NHSL1: variants seen among roughly 807,000 people sequenced by gnomAD.
The protein encoded by NHSL1 is NHS-like protein 1.
NHSL1 carries 48 observed loss-of-function variants against 95.0 expected under a neutral mutation model. The ratio of observed to expected loss-of-function variants is 0.51; its 90% CI spans 0.40 to 0.64. The LOEUF (loss-of-function observed/expected upper bound fraction) is 0.64. NHSL1 is among the 30% of genes least tolerant of loss of function. NHSL1 has a pLI of 0.00. For synonymous variants in NHSL1, 783 were observed against 833.9 expected (o/e 0.94, Z 1.05); for missense variants, 1,971 against 2,077.7 (o/e 0.95, Z 1.00).
chr6:138,501,679 G>T (rs1406099285), upstream of NHSL1, among the ~76,000 whole-genome samples: 2 of 152,118 alleles, frequency 1.3e-5, no homozygotes, highest in African/African-American at 4.8e-5. Flanking sequence ...TCTTGCATGG[G>T]GTAATTTCCT....
At chr6:138,669,568 G>T (rs950894169) in intron 1 of NHSL1, among the ~76,000 whole-genome samples, 1 of 152,154 alleles carries the variant, frequency 6.6e-6, no homozygotes, top group Admixed American at 6.6e-5. Context: ...TCCTAGCCAC[G>T]AGTGGCCACC....
At chr6:138,590,586 T>C (rs1399491412) in intron 1 of NHSL1, among the ~76,000 whole-genome samples, 1 of 152,166 alleles carries the variant, frequency 6.6e-6, no homozygotes, top group Non-Finnish European at 1.5e-5. Context: ...CCCAAGCTCC[T>C]CTGCCTTCCA....
chr6:138,587,097 C>T (rs111809728), intron 1 of NHSL1, among the ~76,000 whole-genome samples: 27,425 of 151,490 alleles, frequency 0.18, 3,186 homozygotes, highest in East Asian at 0.38. Context: ...CTCAACCTCT[C>T]GAGTAACTGG....
intron 1 of NHSL1, among the ~76,000 whole-genome samples, chr6:138,618,123 T>C (rs1186523062): frequency 6.6e-6 from 1 of 152,222 alleles, no homozygotes; most frequent in East Asian, 1.9e-4. Flanking sequence ...AACAGAGACC[T>C]TCCTGCAGGG....
At chr6:138,680,190 C>T (rs376963746) in intron 1 of NHSL1, among the ~76,000 whole-genome samples, 11 of 152,264 alleles carry the variant, frequency 7.2e-5, no homozygotes, top group Admixed American at 2.0e-4. Context: ...GAATAATGCT[C>T]TTTTTAGTCA....
intron 2 of NHSL1, among the ~76,000 whole-genome samples, chr6:138,491,895 C>T (rs1780099216): frequency 1.3e-5 from 2 of 152,076 alleles, no homozygotes; most frequent in Non-Finnish European, 2.9e-5. Flanking sequence ...AGCATCATGT[C>T]AGTGCTCAAA....
At chr6:138,500,680 A>G (rs568651297), upstream of NHSL1, among the ~76,000 whole-genome samples, 1 of 152,242 alleles carries the variant, frequency 6.6e-6, no homozygotes, top group Non-Finnish European at 1.5e-5. Context: ...AAGCTTTGAA[A>G]TGATTCCTTC....
intron 1 of NHSL1, among the ~76,000 whole-genome samples, chr6:138,670,358 C>A (rs1414084955): frequency 1.3e-5 from 2 of 149,290 alleles, no homozygotes; most frequent in Admixed American, 6.7e-5. Flanking sequence ...TTGCAGCAAA[C>A]ACCGTTGAAG....
chr6:138,500,570 C>T (rs545956220), upstream of NHSL1, among the ~76,000 whole-genome samples: 6 of 152,166 alleles, frequency 3.9e-5, no homozygotes, highest in Non-Finnish European at 7.3e-5. Context: ...ACTTATAACT[C>T]AATGGAAAAA....
At chr6:138,443,206 T>C (rs1014581594) in intron 4 of NHSL1, among the ~76,000 whole-genome samples, 1 of 152,116 alleles carries the variant, frequency 6.6e-6, no homozygotes, top group African/African-American at 2.4e-5. Flanking sequence ...TAAGAAAAAA[T>C]TGGGAACCTT....
intron 3 of NHSL1, among the ~76,000 whole-genome samples, chr6:138,448,851 G>A (rs866734870): frequency 3.9e-5 from 6 of 152,060 alleles, no homozygotes; most frequent in African/African-American, 7.2e-5. Context: ...ACGGGAGCTT[G>A]AGACCAGCCT....
chr6:138,691,944 G>C (rs1422300449), intron 1 of NHSL1: 1 of 456,728 alleles, frequency 2.2e-6, no homozygotes, highest in South Asian at 1.5e-5. Flanking sequence ...AGTCTGCATA[G>C]TTTTGCTTGT....
chr6:138,622,390 G>T lies in NHSL1; in HGVS notation c.96+70086C>A, dbSNP rs569131087. Among the ~76,000 whole-genome samples the T allele has an allele frequency of 6.6e-5, 10 of 152,228 alleles. No individual in the cohort carries two copies. The South Asian group carries it at 2.1e-3, about 32-fold the overall frequency. ...GTGGCCGCATGCGCCTGTAGTCCCA[G>T]CTGCTGGGGAGGCTGAGGAAGGAGA... On this transcript the variant is annotated intron_variant, in intron 1 of 3. Transcript: ENST00000491526.
At chr6:138,500,733 CAAAA>C (rs1780630033), upstream of NHSL1, among the ~76,000 whole-genome samples, 1 of 151,526 alleles carries the variant, frequency 6.6e-6, no homozygotes, top group Non-Finnish European at 1.5e-5. Flanking sequence ...AACAACAAAA[CAAAA>C]GAACACATAG....
Position 138,637,219 on chromosome 6 carries a change from G to A in NHSL1, c.96+55257C>T, listed in dbSNP as rs114095299. ...AGGCAGAATAATGAAACTAGATCCC[G>A]TATCTCTCACCACATACAAAAATCA... is the stretch of plus-strand genomic sequence containing the variant. On this transcript the variant is annotated intron_variant, in intron 1 of 3. Transcript: ENST00000491526. Among the ~76,000 whole-genome samples the A allele has an allele frequency of 5.6e-3, 857 of 152,138 alleles. 13 individuals carry two copies. In the East Asian group the frequency reaches 0.074, roughly 13 times the overall value.
intron 1 of NHSL1, among the ~76,000 whole-genome samples, chr6:138,580,545 G>T (rs1784038003): frequency 6.6e-6 from 1 of 152,136 alleles, no homozygotes; most frequent in African/African-American, 2.4e-5. Context: ...ATATTTGCCA[G>T]TTTCCATGAT....
chr6:138,583,179 G>C (rs977527355), intron 1 of NHSL1, among the ~76,000 whole-genome samples: 6 of 152,142 alleles, frequency 3.9e-5, no homozygotes, highest in Non-Finnish European at 8.8e-5. Flanking sequence ...CCCCTCCTAG[G>C]ACTAGCAGGC....
chr6:138,589,480 C>T (rs2114518471), intron 1 of NHSL1, among the ~76,000 whole-genome samples: 1 of 152,226 alleles, frequency 6.6e-6, no homozygotes, highest in East Asian at 1.9e-4. Flanking sequence ...TGAGGAGTCA[C>T]CTTCCACCAT....
intron 7 of NHSL1, among the ~76,000 whole-genome samples, chr6:138,426,788 C>T (rs752065156): frequency 1.3e-5 from 2 of 152,044 alleles, no homozygotes; most frequent in Non-Finnish European, 2.9e-5. Context: ...GGACAGGGCA[C>T]CAGACTCTTT....
Sources: allele counts gnomAD v4.1 joint callset (sites outside exome capture counted in the v4.1 genomes callset), GRCh38; gene constraint gnomAD v4.1.1; transcripts MANE v1.5; gene names NCBI Gene and HGNC (gene_info 2026-07-23, HGNC 2026-07-21).